The following WWOX variants were observed in gnomAD, a reference collection of about 807,000 sequenced individuals.
WWOX encodes WW domain-containing oxidoreductase.
In WWOX, 69 loss-of-function variants were observed where a neutral mutation model predicts 46.2. The observed-to-expected ratio is 1.49, with a 90% confidence interval of 1.23 to 1.82. WWOX has a LOEUF of 1.82. WWOX is among the 40% of genes most tolerant of loss of function. The pLI is 0.00. For missense variants in WWOX, 919 were observed against 542.6 expected (o/e 1.69, Z -6.89); for synonymous variants, 359 against 202.6 (o/e 1.77, Z -6.56).
At chr16:79,076,564 G>C (rs150155723) in intron 8 of WWOX, among the ~76,000 whole-genome samples, 50 of 152,260 alleles carry the variant, frequency 3.3e-4, no homozygotes, top group Non-Finnish European at 5.9e-4. Context: ...GATGAGCTCT[G>C]GCCTCTGGAC....
intron 8 of WWOX, among the ~76,000 whole-genome samples, chr16:78,969,513 C>G (rs994953181): frequency 6.6e-6 from 1 of 152,098 alleles, no homozygotes. Flanking sequence ...TCAAGTGATC[C>G]AACCGCCTCA....
intron 8 of WWOX, among the ~76,000 whole-genome samples, chr16:79,189,935 G>GCA (rs1555543352): frequency 7.0e-6 from 1 of 142,650 alleles, no homozygotes; most frequent in South Asian, 2.3e-4. Context: ...GGGTGGGGAA[G>GCA]GGGGGGGGGA....
At chr16:78,114,951 G>A (rs749478394) in intron 3 of WWOX, 25 bp from the exon 4 acceptor site, 1 of 1,614,028 alleles carries the variant, frequency 6.2e-7, no homozygotes, top group Admixed American at 1.7e-5. Context: ...ATTGCTGTGG[G>A]TTCACTGCTT....
At chr16:79,078,706 G>T (rs2048705164) in intron 8 of WWOX, among the ~76,000 whole-genome samples, 1 of 152,180 alleles carries the variant, frequency 6.6e-6, no homozygotes, top group African/African-American at 2.4e-5. Flanking sequence ...GATAAAGGGA[G>T]ATTTAACAGT....
At chr16:78,692,425 C>G (rs118016862) in intron 8 of WWOX, among the ~76,000 whole-genome samples, 1,949 of 152,256 alleles carry the variant, frequency 0.013, 18 homozygotes, top group South Asian at 0.036. Flanking sequence ...CCATCAATCC[C>G]TCCCATTTAC....
intron 8 of WWOX, among the ~76,000 whole-genome samples, chr16:78,812,985 G>C (rs886791890): frequency 1.3e-5 from 2 of 151,748 alleles, no homozygotes; most frequent in African/African-American, 4.8e-5. Flanking sequence ...TGAATCTTTG[G>C]GGAAACACAA....
chr16:78,893,673 C>G (rs1401454943), intron 8 of WWOX, among the ~76,000 whole-genome samples: 6 of 152,144 alleles, frequency 3.9e-5, no homozygotes, highest in Admixed American at 2.0e-4. Context: ...GTCTGAGGTT[C>G]CCTGGTATTT....
intron 5 of WWOX, among the ~76,000 whole-genome samples, chr16:78,235,928 T>C (rs2151813094): frequency 6.6e-6 from 1 of 152,328 alleles, no homozygotes; most frequent in Middle Eastern, 3.4e-3. Context: ...GGCCTTTTTC[T>C]CTAAAGGGCT....
At chr16:78,478,885 A>G (rs1246108466) in intron 8 of WWOX, among the ~76,000 whole-genome samples, 1 of 152,164 alleles carries the variant, frequency 6.6e-6, no homozygotes, top group Non-Finnish European at 1.5e-5. Flanking sequence ...AATCTGTAGT[A>G]TAATTTCATT....
intron 8 of WWOX, among the ~76,000 whole-genome samples, chr16:79,028,174 C>A (rs935996833): frequency 1.3e-5 from 2 of 151,750 alleles, no homozygotes; most frequent in Admixed American, 1.3e-4. Context: ...TGGTCTCGAT[C>A]TCCTGACCTC....
At chr16:79,088,784 G>C (rs866620707) in intron 8 of WWOX, among the ~76,000 whole-genome samples, 1 of 152,102 alleles carries the variant, frequency 6.6e-6, no homozygotes, top group African/African-American at 2.4e-5. Flanking sequence ...TAGATATACT[G>C]CAGATATTCA....
At chr16:78,410,741 G>T (rs538554975) in intron 6 of WWOX, among the ~76,000 whole-genome samples, 12 of 150,932 alleles carry the variant, frequency 8.0e-5, no homozygotes, top group Non-Finnish European at 1.6e-4. Flanking sequence ...AGGAGGCGGA[G>T]GTTGTGGTCA....
intron 8 of WWOX, among the ~76,000 whole-genome samples, chr16:78,493,447 T>A (rs1177896176): frequency 6.6e-6 from 1 of 152,216 alleles, no homozygotes; most frequent in Admixed American, 6.5e-5. Context: ...TAGGTCCACC[T>A]GTGTGAGTAA....
chr16:78,952,799 G>A (rs182017274), intron 8 of WWOX, among the ~76,000 whole-genome samples: 132 of 152,274 alleles, frequency 8.7e-4, no homozygotes, highest in African/African-American at 3.0e-3. Flanking sequence ...AGGCTTAGCT[G>A]TTAACAAGTG....
intron 8 of WWOX, among the ~76,000 whole-genome samples, chr16:78,950,304 G>A (rs1024638546): frequency 2.6e-5 from 4 of 152,064 alleles, no homozygotes; most frequent in East Asian, 1.9e-4. Context: ...TTAGTCAGTC[G>A]ATGGTTATTT....
At chr16:78,243,663 C>T (rs1006498638) in intron 5 of WWOX, among the ~76,000 whole-genome samples, 18 of 152,302 alleles carry the variant, frequency 1.2e-4, no homozygotes, top group African/African-American at 3.8e-4. Context: ...TCTTGTGCCT[C>T]AGCCTCCGGA....
intron 5 of WWOX, among the ~76,000 whole-genome samples, chr16:78,210,182 A>C (rs947078277): frequency 2.6e-5 from 4 of 152,210 alleles, no homozygotes; most frequent in Admixed American, 2.6e-4. Context: ...TTGCTTCAAT[A>C]TTCAAAGTAC....
At chr16:78,922,981 T>TTTCTTTTC (rs1249666808) in intron 8 of WWOX, among the ~76,000 whole-genome samples, 1 of 119,990 alleles carries the variant, frequency 8.3e-6, no homozygotes, top group Admixed American at 7.8e-5. Context: ...TTCTTTCTCT[T>TTTCTTTTC]TTCTTTTTTT....
chr16:79,135,033 T>A (rs753961515), intron 8 of WWOX, among the ~76,000 whole-genome samples: 1 of 152,148 alleles, frequency 6.6e-6, no homozygotes, highest in Non-Finnish European at 1.5e-5. Context: ...TGGATTAATT[T>A]TTCTCTCTTA....
Sources: allele counts gnomAD v4.1 joint callset (sites outside exome capture counted in the v4.1 genomes callset), GRCh38; gene constraint gnomAD v4.1.1; transcripts MANE v1.5; gene names NCBI Gene and HGNC (gene_info 2026-07-23, HGNC 2026-07-21).